Variants in THADA observed in about 807,000 individuals in gnomAD.
THADA encodes the protein THADA armadillo repeat containing.
Under a neutral mutation model 219.8 loss-of-function variants are expected in THADA, and 213 were observed. The observed-to-expected ratio is 0.97, with a 90% CI of 0.87 to 1.09. The LOEUF (loss-of-function observed/expected upper bound fraction) is 1.09, where lower values mean the gene tolerates loss of function less well. Among genes scored for constraint, THADA ranks in the 50% least tolerant of loss-of-function variants. The pLI is 0.00. For synonymous variants in THADA, 1,018 were observed against 828.9 expected (o/e 1.23, Z -3.92); for missense variants, 2,956 against 2,311.3 (o/e 1.28, Z -5.72).
At position 43,428,165 on chromosome 2, in the gene THADA, G is replaced by A. The variant is rs201128133; in HGVS notation, c.3993C>T (p.Tyr1331=). ...AAGAAGTACCATCCATCGGGGAAGC[G>A]TAGAGTCTCTCCAACACCAAAAGTA... ...FLLLLVLERL[Y]ASPMDGTSSA... The change falls in exon 28 of 38, where the codon TAC becomes TAT. Residue 1331 remains tyrosine, a synonymous_variant. Coordinates refer to ENST00000405975, the MANE Select transcript of THADA (RefSeq NM_022065.5). The A allele has an allele frequency of 4.6e-4, 736 of 1,609,750 alleles. 5 individuals are homozygous for A. The African/African-American group carries it at 8.2e-3, about 18-fold the overall frequency.
Position 43,497,737 on chromosome 2 carries a change from T to A in THADA, c.3744+1096A>T, listed in dbSNP as rs1453485113. 2.0e-5 allele frequency among the ~76,000 whole-genome samples: 3 copies of A among 152,084 alleles called. No individual in the cohort carries two copies. In the East Asian group the frequency reaches 5.8e-4, roughly 29 times the overall value. On this transcript the variant is annotated intron_variant, in intron 25 of 37. Transcript: ENST00000405975. The stretch of plus-strand genomic sequence containing the variant: ...CTCTCTCTACCAAAAATACAAAAAT[T>A]AGCTGGGTGTGGTGGCATCCACTTG...
rs1043771291 is a variant in THADA, at chr2:43,320,474, G to A, written c.4410C>T (p.Leu1470=). Residue 1470 remains leucine (L), a synonymous_variant, in exon 31 of 38, where the codon CTC becomes CTT. Transcript: ENST00000405975. ...IDILFLLTCC[L]NRSAKDNQPV... Reference sequence around the variant, plus strand: ...GCTGGTTGTCCTTTGCAGATCTGTTGAGGCAGCAAGTCAATAGGAAGAGAA... The same window carrying A: ...GCTGGTTGTCCTTTGCAGATCTGTTAAGGCAGCAAGTCAATAGGAAGAGAA... 1.2e-6 allele frequency: 2 copies of A among 1,613,420 alleles called. No homozygotes were observed. The highest frequency in any genetic ancestry group is 1.3e-5 in the African/African-American group (1 of 74,898).
At chr2:43,302,478 G>A (rs1367403736) in intron 31 of THADA, among the ~76,000 whole-genome samples, 1 of 149,952 alleles carries the variant, frequency 6.7e-6, no homozygotes, top group Non-Finnish European at 1.5e-5. Flanking sequence ...TCACTCTTTG[G>A]AGCAAGTAAA....
intron 27 of THADA, 34 bp downstream of exon 27, chr2:43,430,179 G>A: frequency 9.1e-7 from 1 of 1,099,006 alleles, no homozygotes; most frequent in South Asian, 1.7e-5. Context: ...TCACATCCTT[G>A]AGGTCATTTT....
intron 30 of THADA, among the ~76,000 whole-genome samples, chr2:43,325,003 G>T (rs1361947688): frequency 6.6e-6 from 1 of 152,222 alleles, no homozygotes; most frequent in Non-Finnish European, 1.5e-5. Flanking sequence ...TACAGAAGAT[G>T]AAACGAAGGC....
intron 26 of THADA, among the ~76,000 whole-genome samples, chr2:43,468,411 ACTGAATAACTAACTCCATTTGG>A (rs1479257035): frequency 6.6e-6 from 1 of 152,204 alleles, no homozygotes; most frequent in African/African-American, 2.4e-5. Context: ...ACCATTTTCT[ACTGAATAACTAACTCCATTTGG>A]CTGAATAAGC....
At chr2:43,508,840 A>G in intron 22 of THADA, 60 bp from the exon 23 acceptor site, 1 of 1,516,442 alleles carries the variant, frequency 6.6e-7, no homozygotes, top group Admixed American at 1.7e-5. Flanking sequence ...AGTACAAACT[A>G]TTGATGCACA....
At chr2:43,450,927 G>A (rs1682234962) in intron 26 of THADA, among the ~76,000 whole-genome samples, 1 of 152,138 alleles carries the variant, frequency 6.6e-6, no homozygotes, top group African/African-American at 2.4e-5. Flanking sequence ...TAGAATGGTG[G>A]TTACTGGGGC....
chr2:43,499,999 G>C (rs1373625513), intron 24 of THADA, among the ~76,000 whole-genome samples: 1 of 151,894 alleles, frequency 6.6e-6, no homozygotes, highest in Non-Finnish European at 1.5e-5. Context: ...CTGATTCTCT[G>C]AAACAGAAAT....
intron 28 of THADA, among the ~76,000 whole-genome samples, chr2:43,413,280 T>C (rs545794083): frequency 1.4e-4 from 21 of 152,112 alleles, no homozygotes; most frequent in Non-Finnish European, 2.8e-4. Context: ...AGAAGTTTCT[T>C]GGCTTGATGA....
chr2:43,398,197 G>T, intron 28 of THADA, 58 bp from the exon 29 acceptor site: 1 of 1,554,068 alleles, frequency 6.4e-7, no homozygotes, highest in Non-Finnish European at 8.8e-7. Flanking sequence ...CTGTGACTTT[G>T]TATATACTTA....
intron 28 of THADA, among the ~76,000 whole-genome samples, chr2:43,425,831 C>G (rs762564492): frequency 7.2e-5 from 11 of 152,128 alleles, no homozygotes; most frequent in Non-Finnish European, 1.5e-4. Flanking sequence ...AATTGAGGTT[C>G]AGAGAGCAAG....
intron 28 of THADA, among the ~76,000 whole-genome samples, chr2:43,400,012 C>T (rs1674600998): frequency 1.3e-5 from 2 of 152,224 alleles, no homozygotes; most frequent in Non-Finnish European, 1.5e-5. Flanking sequence ...AACACACACA[C>T]TTTGTGTTAC....
At chr2:43,482,402 C>T (rs1686337311) in intron 26 of THADA, among the ~76,000 whole-genome samples, 1 of 152,062 alleles carries the variant, frequency 6.6e-6, no homozygotes, top group African/African-American at 2.4e-5. Flanking sequence ...TTCTACGGCA[C>T]TGGGAATACA....
At chr2:43,397,276 C>T (rs912543981) in intron 29 of THADA, among the ~76,000 whole-genome samples, 2 of 152,110 alleles carry the variant, frequency 1.3e-5, no homozygotes, top group Non-Finnish European at 2.9e-5. Flanking sequence ...TATTTTCCAC[C>T]CCTAACCGCA....
At chr2:43,520,992 GGGAGGA>G (rs1692374082) in intron 22 of THADA, among the ~76,000 whole-genome samples, 1 of 121,488 alleles carries the variant, frequency 8.2e-6, no homozygotes, top group African/African-American at 3.6e-5. Flanking sequence ...AGGGAGGAAA[GGGAGGA>G]AAGGGAGGGA....
intron 31 of THADA, among the ~76,000 whole-genome samples, chr2:43,300,488 A>G (rs1190696492): frequency 6.6e-6 from 1 of 152,196 alleles, no homozygotes; most frequent in African/African-American, 2.4e-5. Context: ...CACTAAAGCC[A>G]TATGAAAGAC....
At chr2:43,521,632 A>G (rs971223605) in intron 22 of THADA, among the ~76,000 whole-genome samples, 1 of 152,218 alleles carries the variant, frequency 6.6e-6, no homozygotes, top group African/African-American at 2.4e-5. Context: ...TAAAAGTAAC[A>G]GAAGTGAACA....
At chr2:43,288,074 G>A (rs999720640) in intron 34 of THADA, among the ~76,000 whole-genome samples, 1 of 152,192 alleles carries the variant, frequency 6.6e-6, no homozygotes, top group African/African-American at 2.4e-5. Flanking sequence ...GCTTTGGACT[G>A]TTTCTATCTG....
Sources: gnomAD v4.1 joint callset for allele counts (sites outside exome capture counted in the v4.1 genomes callset) on GRCh38, gnomAD v4.1.1 for gene constraint, MANE v1.5 for transcripts, NCBI Gene and HGNC (gene_info 2026-07-23, HGNC 2026-07-21) for gene names.